COBLL1: variants seen among roughly 807,000 people sequenced by gnomAD.
The protein encoded by COBLL1 is cordon-bleu WH2 repeat protein like 1.
Under a neutral mutation model 94.8 loss-of-function variants are expected in COBLL1, and 50 were observed. The observed-to-expected ratio is 0.53, with a 90% CI of 0.42 to 0.67. The LOEUF (loss-of-function observed/expected upper bound fraction) is 0.67, where lower values mean the gene tolerates loss of function less well. Among genes scored for constraint, COBLL1 ranks in the 30% least tolerant of loss-of-function variants. The pLI is 0.00. For missense variants in COBLL1, 1,362 were observed against 1,348.7 expected (o/e 1.01, Z -0.15); for synonymous variants, 448 against 473.8 (o/e 0.95, Z 0.71).
intron 1 of COBLL1, among the ~76,000 whole-genome samples, chr2:164,669,699 T>C (rs570839063): frequency 4.3e-4 from 65 of 152,338 alleles, no homozygotes; most frequent in Non-Finnish European, 7.4e-4. Flanking sequence ...TCTTGGTACA[T>C]ATCTATCTGG....
intron 2 of COBLL1, among the ~76,000 whole-genome samples, chr2:164,766,720 A>G (rs1469387079): frequency 6.6e-6 from 1 of 152,174 alleles, no homozygotes; most frequent in Non-Finnish European, 1.5e-5. Flanking sequence ...CACAGCATAG[A>G]TATATAGCAT....
At chr2:164,764,760 A>G (rs967881660) in intron 2 of COBLL1, among the ~76,000 whole-genome samples, 4 of 152,212 alleles carry the variant, frequency 2.6e-5, no homozygotes, top group Non-Finnish European at 5.9e-5. Flanking sequence ...TTTTAACACT[A>G]AAAGAATGAC....
At chr2:164,696,646 ACCT>A (rs1188930737) in intron 11 of COBLL1, 1 of 152,078 alleles carries the variant, frequency 6.6e-6, no homozygotes, top group Non-Finnish European at 1.5e-5. Context: ...TCTAATTCAG[ACCT>A]CCTGAAAACA....
At chr2:164,729,198 T>C (rs970596020) in intron 4 of COBLL1, among the ~76,000 whole-genome samples, 1 of 151,668 alleles carries the variant, frequency 6.6e-6, no homozygotes, top group Non-Finnish European at 1.5e-5. Flanking sequence ...AAAAGCTTCA[T>C]AACAATATGA....
chr2:164,710,505 AAAATT>A (rs1287094798), intron 7 of COBLL1, among the ~76,000 whole-genome samples: 8 of 152,310 alleles, frequency 5.3e-5, no homozygotes, highest in African/African-American at 1.9e-4. Flanking sequence ...AGAATGCTGA[AAAATT>A]AAATTAAATT....
Position 164,728,113 on chromosome 2 carries a change from C to T in COBLL1, c.517G>A (p.Ala173Thr). 6.2e-7 allele frequency: 1 copy of T among 1,613,692 alleles called. No homozygotes were observed. The highest frequency in any genetic ancestry group is 8.5e-7 in the Non-Finnish European group (1 of 1,179,666). Residue 173 changes from alanine (A) to threonine (T), a missense_variant, in exon 5 of 14, where the codon GCC becomes ACC. Ala to Thr is a moderately conservative substitution (Grantham distance 58). Transcript: ENST00000652658. ...TCACATTTGCTACATATAATAGGGGCAAGCTCTTGAAGCGATGCATGTGGA... is the reference window on the plus strand; with the variant it reads ...TCACATTTGCTACATATAATAGGGGTAAGCTCTTGAAGCGATGCATGTGGA... ...VSPHASLQEL[A>T]PIICSKCEFD...
At chr2:164,717,035 G>A (rs1306859586) in intron 7 of COBLL1, among the ~76,000 whole-genome samples, 2 of 152,046 alleles carry the variant, frequency 1.3e-5, no homozygotes, top group Non-Finnish European at 2.9e-5. Context: ...AAATCCCTTT[G>A]TCATGTGTTA....
chr2:164,665,118 G>T (rs1691133868), intron 2 of COBLL1, among the ~76,000 whole-genome samples: 1 of 152,152 alleles, frequency 6.6e-6, no homozygotes, highest in Admixed American at 6.5e-5. Flanking sequence ...ATCACTTGAG[G>T]TCAGGAGTTT....
chr2:164,741,912 C>G (rs1331995780), intron 3 of COBLL1, among the ~76,000 whole-genome samples: 1 of 152,038 alleles, frequency 6.6e-6, no homozygotes, highest in African/African-American at 2.4e-5. Flanking sequence ...AGAACTAATT[C>G]AGTTAAAGAG....
At chr2:164,774,777 A>G (rs1688380133) in intron 2 of COBLL1, among the ~76,000 whole-genome samples, 1 of 143,152 alleles carries the variant, frequency 7.0e-6, no homozygotes, top group Admixed American at 6.8e-5. Flanking sequence ...AATGCATAGC[A>G]TGAGGATTGT....
At chr2:164,802,956 G>A (rs1683887426) in intron 2 of COBLL1, among the ~76,000 whole-genome samples, 1 of 152,096 alleles carries the variant, frequency 6.6e-6, no homozygotes, top group Non-Finnish European at 1.5e-5. Flanking sequence ...AGTGCTAAAT[G>A]GTCTTTCTCT....
chr2:164,779,457 C>G (rs1487874414), intron 2 of COBLL1, among the ~76,000 whole-genome samples: 1 of 152,080 alleles, frequency 6.6e-6, no homozygotes, highest in Non-Finnish European at 1.5e-5. Flanking sequence ...TATTAAAGAG[C>G]CTTCACCAAA....
chr2:164,814,409 G>A (rs1375799348), intron 2 of COBLL1, among the ~76,000 whole-genome samples: 1 of 152,082 alleles, frequency 6.6e-6, no homozygotes, highest in Non-Finnish European at 1.5e-5. Flanking sequence ...TCTGCTAGGT[G>A]ATCAATTAAG....
chr2:164,740,884 C>T (rs1168622182), intron 3 of COBLL1, among the ~76,000 whole-genome samples: 2 of 150,494 alleles, frequency 1.3e-5, no homozygotes, highest in Non-Finnish European at 3.0e-5. Context: ...GTGAGTTACA[C>T]GAGGGGGGGA....
chr2:164,780,714 T>G (rs536764076), intron 2 of COBLL1, among the ~76,000 whole-genome samples: 2 of 152,320 alleles, frequency 1.3e-5, no homozygotes, highest in African/African-American at 4.8e-5. Context: ...TTCAGCTTTA[T>G]GCCTTATTTA....
chr2:164,704,400 G>A (rs762619323), intron 9 of COBLL1, 44 bp downstream of exon 9: 5 of 1,229,740 alleles, frequency 4.1e-6, no homozygotes, highest in East Asian at 4.6e-5. Context: ...TATCATGGAC[G>A]TCCTTTTTCA....
intron 13 of COBLL1, chr2:164,687,221 T>TTTTTTTTTTTTTTTTTTTTA (rs1347984870): frequency 4.9e-6 from 2 of 408,892 alleles, no homozygotes; most frequent in African/African-American, 4.1e-5. Context: ...TTCTTTTTTT[T>TTTTTTTTTTTTTTTTTTTTA]TTTTTTGGAG....
intron 3 of COBLL1, among the ~76,000 whole-genome samples, chr2:164,738,052 GCTTT>G (rs913879571): frequency 1.3e-5 from 2 of 152,276 alleles, no homozygotes; most frequent in Admixed American, 6.5e-5. Context: ...GGAGTTCTGT[GCTTT>G]CTTTGTGTTT....
chr2:164,700,479 T>C, intron 10 of COBLL1, 43 bp downstream of exon 10: 1 of 1,251,244 alleles, frequency 8.0e-7, no homozygotes, highest in Non-Finnish European at 1.1e-6. Flanking sequence ...CTAGTATTAA[T>C]TAAACTAACG....
Sources: gnomAD v4.1 joint callset for allele counts (sites outside exome capture counted in the v4.1 genomes callset) on GRCh38, gnomAD v4.1.1 for gene constraint, MANE v1.5 for transcripts, NCBI Gene and HGNC (gene_info 2026-07-23, HGNC 2026-07-21) for gene names.